The following CLSTN2 variants were observed in gnomAD, a reference collection of about 807,000 sequenced individuals.
CLSTN2 encodes the protein calsyntenin 2.
Under a neutral mutation model 101.2 loss-of-function variants are expected in CLSTN2, and 48 were observed. The observed-to-expected ratio is 0.47, with a 90% CI of 0.38 to 0.60. The LOEUF is 0.60. Ranked by LOEUF, CLSTN2 falls within the 20% of genes least tolerant of loss-of-function variation. The probability of loss-of-function intolerance (pLI) is 0.00; values close to 1 mark genes in which losing one functional copy is unlikely to be tolerated. For missense variants in CLSTN2, 1,160 were observed against 1,238.2 expected (o/e 0.94, Z 0.95); for synonymous variants, 481 against 463.6 (o/e 1.04, Z -0.48).
At chr3:140,456,741 C>T (rs1021309245) in intron 6 of CLSTN2, among the ~76,000 whole-genome samples, 4 of 152,016 alleles carry the variant, frequency 2.6e-5, no homozygotes, top group African/African-American at 4.8e-5. Flanking sequence ...GAGCCAAGAT[C>T]GCGCCACTGT....
rs538131741 is a variant in CLSTN2 at position 140,353,420 on chromosome 3, C to G, written c.233-50209C>G. Among the ~76,000 whole-genome samples the G allele has an allele frequency of 1.6e-4, 24 of 152,246 alleles. No homozygotes were observed. The South Asian group carries it at 4.6e-3, about 29-fold the overall frequency. ...ATCCAGCATGGGAGAAAGACGTATA[C>G]TGGGAGTCTAGGCCAGTCTCGCCTT... On this transcript the variant is annotated intron_variant, in intron 2 of 16. Transcript: ENST00000458420.
Position 140,503,908 on chromosome 3 carries a change from A to G in CLSTN2, c.1345-28416A>G, listed in dbSNP as rs140286228. 5.8e-3 allele frequency among the ~76,000 whole-genome samples: 888 copies of G among 152,300 alleles called. 7 individuals are homozygous for G. The highest frequency in any genetic ancestry group is 8.0e-3 in the Non-Finnish European group (541 of 68,020). ...AAGGGGGCTCCTTAGGAAGAACTGCAGGAAAGACAGTTACAGGTGATGAGG... is the reference window on the plus strand; with the variant it reads ...AAGGGGGCTCCTTAGGAAGAACTGCGGGAAAGACAGTTACAGGTGATGAGG... On this transcript the variant is annotated intron_variant, in intron 8 of 16. Coordinates refer to ENST00000458420, the MANE Select transcript of CLSTN2 (RefSeq NM_022131.3).
chr3:140,548,772 C>A (rs1049578436), intron 10 of CLSTN2, among the ~76,000 whole-genome samples: 2 of 152,096 alleles, frequency 1.3e-5, no homozygotes, highest in African/African-American at 4.8e-5. Context: ...CACCTATTAA[C>A]CATGTTTAGG....
At chr3:140,335,872 A>G (rs1010965847) in intron 2 of CLSTN2, among the ~76,000 whole-genome samples, 80 of 152,312 alleles carry the variant, frequency 5.3e-4, no homozygotes, top group African/African-American at 1.8e-3. Context: ...TGTGTATGGC[A>G]GTGGAGAGGT....
chr3:140,099,549 A>C (rs2008930738), intron 1 of CLSTN2, among the ~76,000 whole-genome samples: 1 of 152,218 alleles, frequency 6.6e-6, no homozygotes, highest in Non-Finnish European at 1.5e-5. Flanking sequence ...AGAAGAACAC[A>C]TTCACAGCAG....
chr3:140,310,018 G>A (rs1231491856), intron 2 of CLSTN2, among the ~76,000 whole-genome samples: 1 of 151,998 alleles, frequency 6.6e-6, no homozygotes, highest in Non-Finnish European at 1.5e-5. Flanking sequence ...ATCAACCCAA[G>A]GGAGATCTGG....
At chr3:140,535,604 G>A (rs1215561029) in intron 9 of CLSTN2, among the ~76,000 whole-genome samples, 1 of 152,202 alleles carries the variant, frequency 6.6e-6, no homozygotes, top group African/African-American at 2.4e-5. Flanking sequence ...GACTTGCTTT[G>A]GCAAATTAAC....
chr3:140,425,969 TCA>T (rs2088561709), intron 5 of CLSTN2, among the ~76,000 whole-genome samples: 1 of 152,206 alleles, frequency 6.6e-6, no homozygotes, highest in South Asian at 2.1e-4. Flanking sequence ...CTTTGAGAAC[TCA>T]CAGTGTGCTT....
intron 8 of CLSTN2, among the ~76,000 whole-genome samples, chr3:140,510,971 A>G (rs1223783638): frequency 6.6e-6 from 1 of 152,132 alleles, no homozygotes; most frequent in African/African-American, 2.4e-5. Context: ...TATTAAGCTC[A>G]GTGTCCGTTA....
intron 8 of CLSTN2, among the ~76,000 whole-genome samples, chr3:140,503,361 CTAAA>C (rs1934618430): frequency 6.6e-6 from 1 of 152,126 alleles, no homozygotes; most frequent in African/African-American, 2.4e-5. Flanking sequence ...TTACTTGTGT[CTAAA>C]TAAACACATA....
intron 1 of CLSTN2, among the ~76,000 whole-genome samples, chr3:140,025,035 A>G (rs933506166): frequency 1.3e-5 from 2 of 152,198 alleles, no homozygotes; most frequent in Admixed American, 1.3e-4. Flanking sequence ...CATTTTGCAG[A>G]TGAGAAATTA....
chr3:140,004,899 T>C (rs1234025482), intron 1 of CLSTN2, among the ~76,000 whole-genome samples: 1 of 152,226 alleles, frequency 6.6e-6, no homozygotes, highest in African/African-American at 2.4e-5. Context: ...GATACTGTTG[T>C]GCTGTTCTCC....
chr3:139,937,071 G>T (rs1935034259), intron 1 of CLSTN2, among the ~76,000 whole-genome samples: 1 of 141,506 alleles, frequency 7.1e-6, no homozygotes. Context: ...TCCCAATATA[G>T]ACACTTTGTT....
intron 1 of CLSTN2, among the ~76,000 whole-genome samples, chr3:140,120,079 G>A (rs891719172): frequency 1.3e-5 from 2 of 152,126 alleles, no homozygotes; most frequent in Non-Finnish European, 2.9e-5. Flanking sequence ...TGCCAGCTAG[G>A]TGTCTTCCAA....
At chr3:140,114,493 T>G (rs1293855352) in intron 1 of CLSTN2, among the ~76,000 whole-genome samples, 2 of 152,150 alleles carry the variant, frequency 1.3e-5, no homozygotes, top group Non-Finnish European at 2.9e-5. Flanking sequence ...TAAAGCTGAA[T>G]CACCTAGCCC....
At chr3:140,548,520 T>C (rs1470188114) in intron 10 of CLSTN2, among the ~76,000 whole-genome samples, 1 of 152,114 alleles carries the variant, frequency 6.6e-6, no homozygotes, top group African/African-American at 2.4e-5. Flanking sequence ...GATGAGGTGA[T>C]GAGGCCTGAG....
At position 140,291,617 on chromosome 3, in the gene CLSTN2, A is replaced by G. The variant is rs532681437; in HGVS notation, c.233-112012A>G. On this transcript the variant is annotated intron_variant, in intron 2 of 16. Coordinates refer to ENST00000458420, the MANE Select transcript of CLSTN2 (RefSeq NM_022131.3). ...TCCAAAATTATCCTCTGGGCCATCC[A>G]TATGCTGGCAACTTCCCCCATCTCC... is the stretch of plus-strand genomic sequence containing the variant. Among the ~76,000 whole-genome samples, 156 of 151,900 alleles carry G rather than the reference A, an allele frequency of 1.0e-3. 1 individual carries two copies. Among genetic ancestry groups the G allele is most frequent in the African/African-American group, 3.7e-3 (152 of 41,424 alleles).
chr3:140,554,196 A>G lies in CLSTN2; in HGVS notation c.1675-2317A>G, dbSNP rs72980116. 2.2e-3 allele frequency among the ~76,000 whole-genome samples: 328 copies of G among 152,282 alleles called. 2 individuals are homozygous for G. Among genetic ancestry groups the G allele is most frequent in the African/African-American group, 7.8e-3 (324 of 41,558 alleles). On this transcript the variant is annotated intron_variant, in intron 10 of 16. Transcript: ENST00000458420. ...AGGCCTTATGAGTAGGTACCAATGA[A>G]GTACACATGTGATGGTCGAAGGTGA...
intron 1 of CLSTN2, among the ~76,000 whole-genome samples, chr3:140,114,492 A>G (rs1335485411): frequency 6.6e-6 from 1 of 152,162 alleles, no homozygotes; most frequent in Non-Finnish European, 1.5e-5. Flanking sequence ...CTAAAGCTGA[A>G]TCACCTAGCC....
Sources: allele counts gnomAD v4.1 joint callset (sites outside exome capture counted in the v4.1 genomes callset), GRCh38; gene constraint gnomAD v4.1.1; transcripts MANE v1.5; gene names NCBI Gene and HGNC (gene_info 2026-07-23, HGNC 2026-07-21).